The following KPNA7 variants were observed in gnomAD, a reference collection of about 807,000 sequenced individuals.
The protein encoded by KPNA7 is karyopherin subunit alpha 7, also known as importin subunit alpha-8.
Under a neutral mutation model 53.7 loss-of-function variants are expected in KPNA7, and 54 were observed. The observed-to-expected ratio is 1.01, with a 90% CI of 0.81 to 1.26. KPNA7 has a LOEUF of 1.26. Ranked by LOEUF, KPNA7 falls within the 50% of genes most tolerant of loss-of-function variation. The pLI is 0.00. For missense variants in KPNA7, 640 were observed against 644.5 expected, an observed-to-expected ratio of 0.99 and a Z score of 0.07; for synonymous variants, 276 against 259.3, an observed-to-expected ratio of 1.06 and a Z score of -0.62.
the KPNA7 span, among the ~76,000 whole-genome samples, chr7:99,163,361 A>ATG: frequency 1.4e-5 from 1 of 70,182 alleles, no homozygotes; most frequent in South Asian, 6.5e-4. Flanking sequence ...GAGTGTGTGT[A>ATG]TATATATATA....
At chr7:99,167,892 G>A in the KPNA7 span, among the ~76,000 whole-genome samples, 6 of 151,932 alleles carry the variant, frequency 3.9e-5, no homozygotes, top group Non-Finnish European at 7.4e-5. Context: ...TCTACATGAT[G>A]GTGAGTTATA....
the KPNA7 span, among the ~76,000 whole-genome samples, chr7:99,166,257 C>T: frequency 2.0e-5 from 3 of 152,134 alleles, no homozygotes; most frequent in Admixed American, 6.6e-5. Context: ...AGTTTAATCC[C>T]TCTTTCAACA....
Position 99,178,046 on chromosome 7 carries a change from C to G in KPNA7, c.1338G>C (p.Glu446Asp). The G allele has an allele frequency of 6.4e-7, 1 of 1,551,610 alleles. No homozygotes were observed. Among genetic ancestry groups the G allele is most frequent in the Non-Finnish European group, 8.7e-7 (1 of 1,146,950 alleles). Residue 446 changes from glutamate to aspartate, a missense_variant, in exon 10 of 11, where the codon GAG becomes GAC. Physicochemically the swap from Glu to Asp is conservative, Grantham distance 45 (BLOSUM62 2). Coordinates refer to ENST00000327442, the MANE Select transcript of KPNA7 (RefSeq NM_001145715.3). ...CTATCAGAAGACACAGGTTTTCCTT[C>G]TCAGACCGTTTCTCTGCCGCCTGTG... is the stretch of plus-strand genomic sequence containing the variant. ...CILQAAEKRS[E>D]KENLCLLIEE...
At chr7:99,210,970 C>G (rs910646681), upstream of KPNA7, among the ~76,000 whole-genome samples, 7 of 151,576 alleles carry the variant, frequency 4.6e-5, no homozygotes, top group Non-Finnish European at 1.0e-4. Context: ...CGAGATGGTC[C>G]AGACTACATT....
chr7:99,162,708 C>T, the KPNA7 span, among the ~76,000 whole-genome samples: 2 of 152,150 alleles, frequency 1.3e-5, no homozygotes, highest in Non-Finnish European at 2.9e-5. Context: ...ACTCGGACAA[C>T]AGTGACTAAG....
chr7:99,208,620 C>T (rs890978210), upstream of KPNA7, among the ~76,000 whole-genome samples: 6 of 150,140 alleles, frequency 4.0e-5, no homozygotes, highest in Non-Finnish European at 7.4e-5. Context: ...GTTGGCCAGG[C>T]TGGTCTTGAA....
the KPNA7 span, among the ~76,000 whole-genome samples, chr7:99,165,894 C>CCGG: frequency 6.6e-6 from 1 of 152,118 alleles, no homozygotes; most frequent in Non-Finnish European, 1.5e-5. Context: ...TAATCCCCAA[C>CCGG]GTTGGGGGTG....
chr7:99,150,859 G>A, the KPNA7 span, among the ~76,000 whole-genome samples: 1 of 152,120 alleles, frequency 6.6e-6, no homozygotes, highest in African/African-American at 2.4e-5. Flanking sequence ...ATTGCCCTAT[G>A]CATCTGCAGA....
chr7:99,156,109 A>G, the KPNA7 span, among the ~76,000 whole-genome samples: 1 of 151,928 alleles, frequency 6.6e-6, no homozygotes, highest in Non-Finnish European at 1.5e-5. Flanking sequence ...TTTCTTGTAT[A>G]TTTCTCTTTT....
At chr7:99,211,038 CA>C (rs1474608321), upstream of KPNA7, among the ~76,000 whole-genome samples, 1 of 151,906 alleles carries the variant, frequency 6.6e-6, no homozygotes, top group African/African-American at 2.4e-5. Flanking sequence ...CAGTGAATAG[CA>C]GCCAAGAATA....
Position 99,173,814 on chromosome 7 carries a change from C to T in KPNA7, c.1465-20G>A. 4 of 1,380,520 alleles carry T rather than the reference C, an allele frequency of 2.9e-6. No individual in the cohort carries two copies. The highest frequency in any genetic ancestry group is 4.0e-6 in the Non-Finnish European group (4 of 992,976). 85.5% of individuals were successfully genotyped at this position (1,380,520 alleles called of 1,614,324 possible). A position where few individuals can be genotyped will look rare whatever the true frequency, so the allele number is the denominator to read the frequency against. ...TTCTTCCTTCAGGAGAGAATAGACACTGTTATACCTCCAGGATTCTCAGCA... is the reference window on the plus strand; with the variant it reads ...TTCTTCCTTCAGGAGAGAATAGACATTGTTATACCTCCAGGATTCTCAGCA... On this transcript the variant is annotated intron_variant, in intron 10 of 10. Coordinates refer to ENST00000327442, the MANE Select transcript of KPNA7 (RefSeq NM_001145715.3).
chr7:99,165,853 T>G, the KPNA7 span, among the ~76,000 whole-genome samples: 15 of 152,232 alleles, frequency 9.9e-5, no homozygotes, highest in African/African-American at 3.6e-4. Context: ...GGTTTCGATT[T>G]GTGTCTCTGA....
the KPNA7 span, among the ~76,000 whole-genome samples, chr7:99,168,190 C>T: frequency 6.6e-6 from 1 of 152,202 alleles, no homozygotes; most frequent in African/African-American, 2.4e-5. Flanking sequence ...CTCTTGAGGG[C>T]AGGAACTTCA....
At chr7:99,168,031 C>T in the KPNA7 span, among the ~76,000 whole-genome samples, 1 of 98,576 alleles carries the variant, frequency 1.0e-5, no homozygotes, top group African/African-American at 4.0e-5. Context: ...TTCCACAAAA[C>T]CAGTCCGTGG....
intron 1 of KPNA7, among the ~76,000 whole-genome samples, chr7:99,218,014 G>C (rs552096870): frequency 6.6e-6 from 1 of 151,860 alleles, no homozygotes; most frequent in South Asian, 2.1e-4. Context: ...CAGTTTCAAT[G>C]CTGAGAAAGA....
chr7:99,187,869 C>A (rs1263521381), intron 7 of KPNA7, among the ~76,000 whole-genome samples: 1 of 139,674 alleles, frequency 7.2e-6, no homozygotes, highest in Admixed American at 7.7e-5. Context: ...TAGATTCAAG[C>A]TTTTGGCCAC....
intron 1 of KPNA7, among the ~76,000 whole-genome samples, chr7:99,215,972 AATT>A (rs1437857014): frequency 2.6e-5 from 4 of 151,042 alleles, no homozygotes; most frequent in African/African-American, 9.8e-5. Context: ...TCCCTTCTCT[AATT>A]AAAAAAAAAA....
At chr7:99,178,157 G>A in intron 9 of KPNA7, 91 bp from the exon 10 acceptor site, 1 of 1,144,762 alleles carries the variant, frequency 8.7e-7, no homozygotes, top group South Asian at 1.6e-5. Flanking sequence ...TGCCCCGAGT[G>A]GAAGCAGACC....
chr7:99,200,059 C>T (rs1391489389), intron 3 of KPNA7, among the ~76,000 whole-genome samples: 1 of 152,094 alleles, frequency 6.6e-6, no homozygotes, highest in Non-Finnish European at 1.5e-5. Flanking sequence ...CATGCCACCA[C>T]ACCCAGCTAA....
Sources: allele counts gnomAD v4.1 joint callset (sites outside exome capture counted in the v4.1 genomes callset), GRCh38; gene constraint gnomAD v4.1.1; transcripts MANE v1.5; gene names NCBI Gene and HGNC (gene_info 2026-07-23, HGNC 2026-07-21).